The following POLR2G variants were observed in gnomAD, a reference collection of about 807,000 sequenced individuals.
POLR2G encodes the protein DNA-directed RNA polymerase II subunit RPB7.
Under a neutral mutation model 25.7 loss-of-function variants are expected in POLR2G, and 19 were observed. That is an observed-to-expected ratio of 0.74 (90% CI 0.52 to 1.08). The LOEUF (loss-of-function observed/expected upper bound fraction) is 1.08. Among genes scored for constraint, POLR2G ranks in the 50% least tolerant of loss-of-function variants. The pLI, the probability that POLR2G is intolerant of heterozygous loss-of-function variation, is 0.00. For missense variants in POLR2G, 123 were observed against 218.5 expected (o/e 0.56, Z 2.76); for synonymous variants, 79 against 76.0 (o/e 1.04, Z -0.21).
At chr11:62,763,102 C>A in intron 3 of POLR2G, 76 bp downstream of exon 3, 9 of 784,986 alleles carry the variant, frequency 1.1e-5, no homozygotes, top group African/African-American at 1.8e-5. Flanking sequence ...CACTTCATAA[C>A]TCTGTGCCTT....
At chr11:62,764,868 T>G (rs577402364) in intron 3 of POLR2G, among the ~76,000 whole-genome samples, 1 of 152,070 alleles carries the variant, frequency 6.6e-6, no homozygotes, top group South Asian at 2.1e-4. Context: ...CTCTTTTGTT[T>G]TTTTTTTTTG....
chr11:62,764,554 G>T (rs548454586), intron 3 of POLR2G, among the ~76,000 whole-genome samples: 7 of 152,108 alleles, frequency 4.6e-5, no homozygotes, highest in East Asian at 1.9e-4. Flanking sequence ...CAGTGCTTTG[G>T]GGGGCAGAAG....
chr11:62,765,221 A>G lies in POLR2G; in HGVS notation c.322A>G (p.Ile108Val), dbSNP rs752381763. ...FTEIGPMSCFISRHSIPSEME... is the reference protein window; with the variant it reads ...FTEIGPMSCFVSRHSIPSEME... Reference sequence around the variant, plus strand: ...AGAAATTGGGCCCATGTCTTGCTTCATCTCTCGACATGTAAGTCTGGGCAC... The same window carrying G: ...AGAAATTGGGCCCATGTCTTGCTTCGTCTCTCGACATGTAAGTCTGGGCAC... The change falls in exon 4 of 8, where the codon ATC (isoleucine) becomes GTC (valine). Residue 108 changes from isoleucine to valine, a missense_variant. Ile to Val is a conservative substitution (Grantham distance 29, BLOSUM62 3). Transcript: ENST00000301788. 20 of 1,613,904 alleles carry G rather than the reference A, an allele frequency of 1.2e-5. No individual in the cohort carries two copies. In the East Asian group the frequency reaches 2.9e-4, roughly 23 times the overall value.
chr11:62,764,765 C>T (rs989929323), intron 3 of POLR2G, among the ~76,000 whole-genome samples: 3 of 152,080 alleles, frequency 2.0e-5, no homozygotes, highest in South Asian at 4.1e-4. Flanking sequence ...CACTACTTTC[C>T]AACCTGGGCA....
chr11:62,761,983 C>T, intron 2 of POLR2G, 79 bp downstream of exon 2: 1 of 1,031,844 alleles, frequency 9.7e-7, no homozygotes, highest in Non-Finnish European at 1.5e-6. Context: ...TCCCCAACTC[C>T]TACTCGTCCT....
chr11:62,763,116 C>A, intron 3 of POLR2G, 90 bp downstream of exon 3: 1 of 616,198 alleles, frequency 1.6e-6, no homozygotes, highest in South Asian at 3.9e-5. Flanking sequence ...GTGCCTTTGG[C>A]TAAGTCACTT....
intron 2 of POLR2G, 196 bp downstream of exon 2, chr11:62,762,100 C>A: frequency 1.7e-6 from 1 of 589,624 alleles, no homozygotes; most frequent in Non-Finnish European, 3.0e-6. Flanking sequence ...TTCCTTCTCT[C>A]AGCTGAGATG....
chr11:62,764,037 C>T (rs1056984776), intron 3 of POLR2G, among the ~76,000 whole-genome samples: 1 of 151,870 alleles, frequency 6.6e-6, no homozygotes, highest in Non-Finnish European at 1.5e-5. Context: ...CCACCGTGCC[C>T]GGCCAGTGGG....
chr11:62,763,968 C>T (rs189968166), intron 3 of POLR2G, among the ~76,000 whole-genome samples: 83 of 150,758 alleles, frequency 5.5e-4, no homozygotes, highest in African/African-American at 1.9e-3. Flanking sequence ...TCTCGAACTC[C>T]CGACCTCAGG....
chr11:62,765,728 A>T lies in POLR2G; in HGVS notation c.471+4A>T. The T allele has an allele frequency of 6.4e-7, 1 of 1,563,980 alleles. No individual in the cohort carries two copies. The highest frequency in any genetic ancestry group is 8.8e-7 in the Non-Finnish European group (1 of 1,134,956). Reference sequence around the variant, plus strand: ...CCGTGTGGACAAGAATGACATTGTGAGTCTTTTCCCCACCTCTCTACCTAT... The same window carrying T: ...CCGTGTGGACAAGAATGACATTGTGTGTCTTTTCCCCACCTCTCTACCTAT... On this transcript the variant is annotated splice_donor_region_variant and intron_variant, in intron 6 of 7. Transcript: ENST00000301788.
At chr11:62,766,194 G>A (rs773006578) in intron 6 of POLR2G, 49 bp from the exon 7 acceptor site, 3 of 1,571,758 alleles carry the variant, frequency 1.9e-6, no homozygotes, top group Non-Finnish European at 1.8e-6. Flanking sequence ...GTGGAGGTTG[G>A]TTCTGTGCTC....
At chr11:62,765,100 A>G in intron 3 of POLR2G, 82 bp from the exon 4 acceptor site, 1 of 1,178,572 alleles carries the variant, frequency 8.5e-7, no homozygotes, top group East Asian at 2.4e-5. Flanking sequence ...CTCGTGATCC[A>G]CCGGCCTCGG....
At chr11:62,761,747 A>G (rs539151473) in intron 1 of POLR2G, 48 bp from the exon 2 acceptor site, 40 of 1,607,832 alleles carry the variant, frequency 2.5e-5, no homozygotes, top group Admixed American at 1.3e-4. Context: ...TTGTCGTCCA[A>G]TAACCTGCCA....
intron 6 of POLR2G, 36 bp from the exon 7 acceptor site, chr11:62,766,207 C>A: frequency 6.8e-6 from 11 of 1,607,324 alleles, no homozygotes; most frequent in Non-Finnish European, 9.4e-6. Flanking sequence ...CTGTGCTCAT[C>A]TTGGCTTCAC....
At position 62,765,712 on chromosome 11, in the gene POLR2G, C is replaced by G. The variant is rs1349815032; in HGVS notation, c.459C>G (p.Asp153Glu). Residue 153 changes from aspartate to glutamate, a missense_variant, in exon 6 of 8, where the codon GAC becomes GAG. Coordinates refer to ENST00000301788, the MANE Select transcript of POLR2G (RefSeq NM_002696.3). ...TAAAGATTGTGGGGACCCGTGTGGA[C>G]AAGAATGACATTGTGAGTCTTTTCC... is the stretch of plus-strand genomic sequence containing the variant. ...IRLKIVGTRV[D>E]KNDIFAIGSL... is the part of the protein sequence containing the mutation. 6.3e-7 allele frequency: 1 copy of G among 1,597,710 alleles called. No homozygotes were observed. Among genetic ancestry groups the G allele is most frequent in the Non-Finnish European group, 8.6e-7 (1 of 1,165,560 alleles).
intron 3 of POLR2G, among the ~76,000 whole-genome samples, chr11:62,764,281 T>A (rs1363812316): frequency 6.6e-6 from 1 of 150,728 alleles, no homozygotes; most frequent in Non-Finnish European, 1.5e-5. Context: ...GCCAATATGG[T>A]GAAACCCCAT....
chr11:62,765,822 C>G (rs1042902530), intron 6 of POLR2G, 98 bp downstream of exon 6: 7 of 753,834 alleles, frequency 9.3e-6, no homozygotes, highest in Non-Finnish European at 1.6e-5. Context: ...GAGTCTTGCT[C>G]TGTCACCCAG....
intron 6 of POLR2G, 143 bp downstream of exon 6, chr11:62,765,867 A>G: frequency 1.6e-6 from 1 of 619,470 alleles, no homozygotes; most frequent in Non-Finnish European, 2.9e-6. Flanking sequence ...GGCTCACTGC[A>G]AGCTCTGCCT....
intron 3 of POLR2G, among the ~76,000 whole-genome samples, chr11:62,763,380 C>T (rs1192210800): frequency 6.6e-6 from 1 of 151,630 alleles, no homozygotes; most frequent in Non-Finnish European, 1.5e-5. Flanking sequence ...CTGCAAGCTC[C>T]GCCTCCCGGG....
Sources: gnomAD v4.1 joint callset for allele counts (sites outside exome capture counted in the v4.1 genomes callset) on GRCh38, gnomAD v4.1.1 for gene constraint, MANE v1.5 for transcripts, NCBI Gene and HGNC (gene_info 2026-07-23, HGNC 2026-07-21) for gene names.